CDH6: variants seen among roughly 807,000 people sequenced by gnomAD.
CDH6 encodes cadherin-6.
A neutral mutation model predicts 78.0 loss-of-function variants in CDH6; 31 were observed. The ratio of observed to expected loss-of-function variants is 0.40; its 90% CI spans 0.30 to 0.54. The LOEUF is 0.54. CDH6 is among the 20% of genes least tolerant of loss of function. CDH6 has a pLI of 0.56. For missense variants in CDH6, 724 were observed against 975.9 expected (o/e 0.74, Z 3.44); for synonymous variants, 376 against 368.8 (o/e 1.02, Z -0.23).
chr5:31,263,281 A>G (rs1742258822), intron 1 of CDH6, among the ~76,000 whole-genome samples: 1 of 143,472 alleles, frequency 7.0e-6, no homozygotes, highest in Admixed American at 7.1e-5. Flanking sequence ...TTTTTTCCAG[A>G]CAGTTTTGCT....
chr5:31,289,170 G>A (rs1170497061), intron 2 of CDH6, among the ~76,000 whole-genome samples: 1 of 152,054 alleles, frequency 6.6e-6, no homozygotes, highest in African/African-American at 2.4e-5. Context: ...CCCATGTTAT[G>A]TCCATGTGTA....
Position 31,323,274 on chromosome 5 carries a change from T to C in CDH6, c.2339T>C (p.Met780Thr), listed in dbSNP as rs776681256. Reference sequence around the variant, plus strand: ...CCTCGATTCAAAAAGCTTGCAGATATGTATGGAGGAGTGGACAGTGACAAA... The same window carrying C: ...CCTCGATTCAAAAAGCTTGCAGATACGTATGGAGGAGTGGACAGTGACAAA... ...WGPRFKKLAD[M>T]YGGVDSDKDS Residue 780 changes from methionine to threonine, a missense_variant, in exon 12 of 12, where the codon ATG becomes ACG. Transcript: ENST00000265071. 5.0e-6 allele frequency: 8 copies of C among 1,613,256 alleles called. No homozygotes were observed. In the Admixed American group the frequency reaches 1.3e-4, roughly 27 times the overall value.
At chr5:31,212,248 A>C (rs1174073894) in intron 1 of CDH6, among the ~76,000 whole-genome samples, 2 of 152,172 alleles carry the variant, frequency 1.3e-5, no homozygotes, top group Non-Finnish European at 2.9e-5. Flanking sequence ...CCAAAATGTC[A>C]GATGTTTCTG....
At chr5:31,293,874 G>A in intron 2 of CDH6, 88 bp from the exon 3 acceptor site, 1 of 761,702 alleles carries the variant, frequency 1.3e-6, no homozygotes, top group South Asian at 2.5e-5. Flanking sequence ...TTTAATAAAA[G>A]TTAATGTAGC....
intron 9 of CDH6, among the ~76,000 whole-genome samples, 154 bp downstream of exon 9, chr5:31,316,483 C>A (rs3792836): frequency 2.6e-5 from 4 of 152,160 alleles, no homozygotes; most frequent in African/African-American, 9.7e-5. Context: ...CCAGGACTTA[C>A]ATATGAGAAC....
intron 11 of CDH6, 51 bp from the exon 12 acceptor site, chr5:31,322,767 G>A: frequency 6.4e-7 from 1 of 1,560,954 alleles, no homozygotes; most frequent in Non-Finnish European, 8.7e-7. Flanking sequence ...GACATTAATT[G>A]GGCAGCAAAT....
At chr5:31,248,798 T>C (rs1399716820) in intron 1 of CDH6, among the ~76,000 whole-genome samples, 2 of 152,290 alleles carry the variant, frequency 1.3e-5, no homozygotes, top group Admixed American at 1.3e-4. Context: ...TCATGCATTG[T>C]CTCTAGAAAA....
intron 6 of CDH6, among the ~76,000 whole-genome samples, chr5:31,302,927 G>GAAAT: frequency 1.6e-5 from 2 of 125,036 alleles, no homozygotes; most frequent in Admixed American, 1.7e-4. Flanking sequence ...AAGAAAGAAA[G>GAAAT]AAAGAAAGAA....
intron 1 of CDH6, among the ~76,000 whole-genome samples, chr5:31,228,676 T>A (rs4429865): frequency 0.53 from 80,713 of 152,094 alleles, 24,322 homozygotes; most frequent in Non-Finnish European, 0.68. Flanking sequence ...TACATACTCA[T>A]AAGGAGCACG....
At chr5:31,244,827 T>C (rs1459463512) in intron 1 of CDH6, among the ~76,000 whole-genome samples, 2 of 152,120 alleles carry the variant, frequency 1.3e-5, no homozygotes, top group Non-Finnish European at 2.9e-5. Context: ...GTACTTACTA[T>C]AGGAGAAGAG....
intron 2 of CDH6, among the ~76,000 whole-genome samples, chr5:31,278,064 A>G (rs1211176590): frequency 6.6e-6 from 1 of 152,178 alleles, no homozygotes; most frequent in Non-Finnish European, 1.5e-5. Context: ...AATTTTAAGT[A>G]TACAGTATTA....
chr5:31,300,271 G>A (rs1737729829), intron 5 of CDH6, among the ~76,000 whole-genome samples: 1 of 152,060 alleles, frequency 6.6e-6, no homozygotes, highest in South Asian at 2.1e-4. Context: ...TACCCAAGAG[G>A]GAACTAGTTT....
intron 1 of CDH6, among the ~76,000 whole-genome samples, chr5:31,216,751 G>A (rs916349770): frequency 2.0e-5 from 3 of 150,084 alleles, no homozygotes; most frequent in Non-Finnish European, 4.4e-5. Flanking sequence ...AAAATTCATT[G>A]GGAAGTCAGT....
rs191378745 is a variant in CDH6 at position 31,223,622 on chromosome 5, T to A, written c.-129+29736T>A. 1.6e-3 allele frequency among the ~76,000 whole-genome samples: 238 copies of A among 152,336 alleles called. 1 individual carries two copies. The highest frequency in any genetic ancestry group is 5.5e-3 in the African/African-American group (227 of 41,570). On this transcript the variant is annotated intron_variant, in intron 1 of 11. Transcript: ENST00000265071. ...TGCTATGGAATGATTTGTCTTTTGT[T>A]AATTTCTATTAACATTACATTTTGG...
intron 8 of CDH6, among the ~76,000 whole-genome samples, chr5:31,314,082 A>G (rs1738234684): frequency 6.6e-6 from 1 of 152,232 alleles, no homozygotes; most frequent in African/African-American, 2.4e-5. Context: ...ATGATTACAC[A>G]CAATGAAAAC....
rs116872353 is a variant in CDH6 at position 31,320,673 on chromosome 5, G to A, written c.1883-2145G>A. ...TGCTCAAATTATGCAACCTCCCTCC[G>A]ATAACATATACAAAACTGTGCTGGC... On this transcript the variant is annotated intron_variant, in intron 11 of 11. Transcript: ENST00000265071. Among the ~76,000 whole-genome samples, 93 of 152,146 alleles carry A rather than the reference G, an allele frequency of 6.1e-4. 2 individuals carry two copies. The East Asian group carries it at 0.015, about 25-fold the overall frequency.
chr5:31,316,398 G>T, intron 9 of CDH6, 69 bp downstream of exon 9: 1 of 1,351,406 alleles, frequency 7.4e-7, no homozygotes, highest in Non-Finnish European at 1.0e-6. Flanking sequence ...TCATTCAGAT[G>T]ATTCACAGAG....
chr5:31,231,310 C>A (rs1446068316), intron 1 of CDH6, among the ~76,000 whole-genome samples: 1 of 152,134 alleles, frequency 6.6e-6, no homozygotes, highest in South Asian at 2.1e-4. Flanking sequence ...GTCTTCCTTG[C>A]CCTTTGGGAA....
At chr5:31,255,589 C>T (rs960297698) in intron 1 of CDH6, among the ~76,000 whole-genome samples, 1 of 152,176 alleles carries the variant, frequency 6.6e-6, no homozygotes, top group Non-Finnish European at 1.5e-5. Context: ...CCCATTCAAA[C>T]ACATTCTCTT....
Sources: gnomAD v4.1 joint callset for allele counts (sites outside exome capture counted in the v4.1 genomes callset) on GRCh38, gnomAD v4.1.1 for gene constraint, MANE v1.5 for transcripts, NCBI Gene and HGNC (gene_info 2026-07-23, HGNC 2026-07-21) for gene names.